NUCB2: variants seen among roughly 807,000 people sequenced by gnomAD.
The protein encoded by NUCB2 is nucleobindin-2.
Under a neutral mutation model 57.9 loss-of-function variants are expected in NUCB2, and 48 were observed. That is an observed-to-expected ratio of 0.83 (90% CI 0.66 to 1.05). The LOEUF (loss-of-function observed/expected upper bound fraction) is 1.05, where lower values mean the gene tolerates loss of function less well. Among genes scored for constraint, NUCB2 ranks in the 50% least tolerant of loss-of-function variants. The probability of loss-of-function intolerance (pLI) is 0.00; values close to 1 mark genes in which losing one functional copy is unlikely to be tolerated. For synonymous variants in NUCB2, 139 were observed against 152.1 expected (o/e 0.91, Z 0.64); for missense variants, 442 against 476.2 (o/e 0.93, Z 0.67).
At chr11:17,278,129 G>T (rs1266595815) in intron 1 of NUCB2, among the ~76,000 whole-genome samples, 1 of 146,590 alleles carries the variant, frequency 6.8e-6, no homozygotes, top group Non-Finnish European at 1.5e-5. Context: ...TTCTGTCTCC[G>T]TGTGTTTACT....
At chr11:17,298,127 C>T (rs1010974963) in intron 4 of NUCB2, among the ~76,000 whole-genome samples, 9 of 149,832 alleles carry the variant, frequency 6.0e-5, no homozygotes, top group Non-Finnish European at 8.9e-5. Context: ...GTAGTTCACA[C>T]GTGTAACTTT....
rs1216615601 is a variant in NUCB2, at chr11:17,308,258, T to C, written c.380-1314T>C. On this transcript the variant is annotated intron_variant, in intron 5 of 13. Coordinates refer to ENST00000529010, the MANE Select transcript of NUCB2 (RefSeq NM_005013.4). The stretch of plus-strand genomic sequence containing the variant: ...ACTGGTTTTTCTTAAGGGGCAACTA[T>C]ATTTTAGATCAAGAGCTGGCACTAG... Among the ~76,000 whole-genome samples, 3 of 152,154 alleles carry C rather than the reference T, an allele frequency of 2.0e-5. 1 individual carries two copies.
intron 5 of NUCB2, among the ~76,000 whole-genome samples, chr11:17,302,959 C>T (rs1947002348): frequency 6.6e-6 from 1 of 152,062 alleles, no homozygotes. Flanking sequence ...AGGATGGTCT[C>T]AGTCTCCTGA....
At position 17,301,865 on chromosome 11, in the gene NUCB2, T is replaced by A. The variant is rs372018158; in HGVS notation, c.374T>A (p.Leu125His). The A allele has an allele frequency of 4.2e-5, 68 of 1,611,896 alleles. No individual in the cohort carries two copies. The African/African-American group carries it at 9.1e-4, about 21-fold the overall frequency. Residue 125 changes from leucine to histidine, a missense_variant, in exon 5 of 14, where the codon CTT (leucine) becomes CAT (histidine). Transcript: ENST00000529010. ...RMLIKAKLDS[L>H]QDIGMDHQAL... ...TTAATTAAAGCTAAGTTGGATTCCC[T>A]TCAAGGTAAGTGCTAAACAAAAGGT... is the stretch of plus-strand genomic sequence containing the variant.
At chr11:17,291,932 G>A (rs968426756) in intron 2 of NUCB2, among the ~76,000 whole-genome samples, 2 of 152,060 alleles carry the variant, frequency 1.3e-5, no homozygotes, top group African/African-American at 2.4e-5. Context: ...TTTTAAGCTG[G>A]CTGAGTAAGC....
downstream of NUCB2, among the ~76,000 whole-genome samples, chr11:17,334,769 C>G (rs1951671058): frequency 6.6e-6 from 1 of 151,774 alleles, no homozygotes; most frequent in Non-Finnish European, 1.5e-5. Context: ...ACCTATAGTC[C>G]CAGCTACTCA....
rs1362783048 is a variant in NUCB2, at chr11:17,288,552, C to CTTTTTTT, written c.-1+5619_-1+5625dup. On this transcript the variant is annotated intron_variant, in intron 2 of 13. Coordinates refer to ENST00000529010, the MANE Select transcript of NUCB2 (RefSeq NM_005013.4). ...TCTTTTTCTTCTTCTTCTTCTTCTT[C>CTTTTTTT]TTTTTTTTTTTTTTTTGAGACAGTC... Among the ~76,000 whole-genome samples the CTTTTTTT allele has an allele frequency of 6.6e-3, 672 of 101,130 alleles. 48 individuals are homozygous for CTTTTTTT. Among genetic ancestry groups the CTTTTTTT allele is most frequent in the African/African-American group, 0.027 (624 of 22,704 alleles). 66.3% of individuals were successfully genotyped at this position (101,130 alleles called of 152,430 possible). A position where few individuals can be genotyped will look rare whatever the true frequency, so the allele number is the denominator to read the frequency against.
intron 4 of NUCB2, among the ~76,000 whole-genome samples, chr11:17,298,391 C>A (rs1946177509): frequency 6.6e-6 from 1 of 151,766 alleles, no homozygotes; most frequent in Non-Finnish European, 1.5e-5. Flanking sequence ...CATAGTGAAA[C>A]CCCTATCTCT....
At chr11:17,333,855 A>G (rs1364892304), downstream of NUCB2, 1 of 152,214 alleles carries the variant, frequency 6.6e-6, no homozygotes, top group Non-Finnish European at 1.5e-5. Flanking sequence ...ACAAAGAGCA[A>G]TTCTCTCAGC....
intron 4 of NUCB2, among the ~76,000 whole-genome samples, chr11:17,298,622 G>T (rs984956540): frequency 4.0e-5 from 6 of 149,738 alleles, no homozygotes; most frequent in Admixed American, 2.7e-4. Flanking sequence ...CAAACCAATA[G>T]AATCATCACA....
intron 1 of NUCB2, among the ~76,000 whole-genome samples, chr11:17,277,978 C>T (rs1235789532): frequency 6.6e-6 from 1 of 152,050 alleles, no homozygotes; most frequent in African/African-American, 2.4e-5. Context: ...ATGTCACTCT[C>T]CTAATTAGGA....
At chr11:17,298,012 G>A (rs1196529039) in intron 4 of NUCB2, among the ~76,000 whole-genome samples, 1 of 151,282 alleles carries the variant, frequency 6.6e-6, no homozygotes, top group African/African-American at 2.4e-5. Flanking sequence ...AACCTGGGCG[G>A]CAGAGGTTGC....
At chr11:17,317,650 A>G (rs1047220555) in intron 11 of NUCB2, 2 of 338,764 alleles carry the variant, frequency 5.9e-6, no homozygotes, top group Non-Finnish European at 1.2e-5. Flanking sequence ...TGAATACCAC[A>G]GAAGAGATGC....
At chr11:17,314,728 C>T (rs1948996040) in intron 10 of NUCB2, among the ~76,000 whole-genome samples, 2 of 152,200 alleles carry the variant, frequency 1.3e-5, no homozygotes, top group Admixed American at 6.5e-5. Context: ...CTGAATCCCA[C>T]TATTTTGCTT....
chr11:17,310,994 C>T lies in NUCB2; in HGVS notation c.653C>T (p.Pro218Leu). ...ATGAAGAAAAAGCATGAAAATCACC[C>T]TAAAGTTAATCACCCAGTAAGGATT... Reference protein sequence around the residue: ...EEMKKKHENHPKVNHPGSKDQ... With the variant: ...EEMKKKHENHLKVNHPGSKDQ... The change falls in exon 7 of 14, where the codon CCT becomes CTT. Residue 218 changes from proline (P) to leucine (L), a missense_variant. By Grantham distance (98) the Pro-to-Leu change is moderately conservative (BLOSUM62 -3). Coordinates refer to ENST00000529010, the MANE Select transcript of NUCB2 (RefSeq NM_005013.4). The T allele has an allele frequency of 6.3e-7, 1 of 1,576,894 alleles. No individual in the cohort carries two copies. The highest frequency in any genetic ancestry group is 8.5e-7 in the Non-Finnish European group (1 of 1,170,332).
chr11:17,307,608 T>C (rs1947879819), intron 5 of NUCB2, among the ~76,000 whole-genome samples: 1 of 152,164 alleles, frequency 6.6e-6, no homozygotes, highest in Non-Finnish European at 1.5e-5. Flanking sequence ...ATAGAGACCA[T>C]CTCTCTTTTT....
At chr11:17,344,855 T>C (rs541397112) in intron 2 of NUCB2, among the ~76,000 whole-genome samples, 1 of 152,346 alleles carries the variant, frequency 6.6e-6, no homozygotes. Context: ...TCCTGATAAT[T>C]CTGTCCGAGC....
At chr11:17,291,133 T>G (rs1292924492) in intron 2 of NUCB2, 2 of 152,228 alleles carry the variant, frequency 1.3e-5, no homozygotes, top group Non-Finnish European at 1.5e-5. Context: ...TCTCTGTGGA[T>G]TTGCCTATTT....
chr11:17,344,917 G>A (rs556899788), intron 2 of NUCB2, among the ~76,000 whole-genome samples: 3 of 152,210 alleles, frequency 2.0e-5, no homozygotes, highest in Admixed American at 6.5e-5. Flanking sequence ...GAGGCTGAAG[G>A]TGGAAGATGG....
Sources: allele counts gnomAD v4.1 joint callset (sites outside exome capture counted in the v4.1 genomes callset), GRCh38; gene constraint gnomAD v4.1.1; transcripts MANE v1.5; gene names NCBI Gene and HGNC (gene_info 2026-07-23, HGNC 2026-07-21).